CNTN5: variants seen among roughly 807,000 people sequenced by gnomAD.
CNTN5 encodes contactin-5.
A neutral mutation model predicts 129.1 loss-of-function variants in CNTN5; 77 were observed. The ratio of observed to expected loss-of-function variants is 0.60; its 90% confidence interval spans 0.50 to 0.72. CNTN5 has a LOEUF of 0.72. Ranked by LOEUF, CNTN5 falls within the 30% of genes least tolerant of loss-of-function variation. The pLI, the probability that CNTN5 is intolerant of heterozygous loss-of-function variation, is 0.00. For missense variants in CNTN5, 1,478 were observed against 1,328.8 expected, an observed-to-expected ratio of 1.11 and a Z score of -1.75; for synonymous variants, 509 against 465.6, an observed-to-expected ratio of 1.09 and a Z score of -1.20.
intron 2 of CNTN5, among the ~76,000 whole-genome samples, chr11:99,349,525 G>A (rs1938143744): frequency 6.6e-6 from 1 of 152,062 alleles, no homozygotes; most frequent in Non-Finnish European, 1.5e-5. Flanking sequence ...ACATGTTTGG[G>A]CATATGGTCT....
chr11:100,341,343 GA>G, intron 23 of CNTN5, 138 bp downstream of exon 23: 1 of 653,664 alleles, frequency 1.5e-6, no homozygotes, highest in African/African-American at 1.8e-5. Context: ...ATCTTAGAAA[GA>G]TAGCCTTCCT....
chr11:100,080,284 T>G (rs1387306996), intron 13 of CNTN5, among the ~76,000 whole-genome samples: 1 of 151,586 alleles, frequency 6.6e-6, no homozygotes, highest in Admixed American at 6.6e-5. Flanking sequence ...CCTATGGAGG[T>G]GCAGTATTAT....
chr11:99,939,382 ATAAAAT>A (rs1950384696), intron 7 of CNTN5, among the ~76,000 whole-genome samples: 1 of 152,102 alleles, frequency 6.6e-6, no homozygotes, highest in Non-Finnish European at 1.5e-5. Flanking sequence ...ACGTGAAAAA[ATAAAAT>A]TAACCTCAAA....
intron 13 of CNTN5, among the ~76,000 whole-genome samples, chr11:100,183,695 A>G (rs1948209365): frequency 6.6e-6 from 1 of 152,116 alleles, no homozygotes; most frequent in African/African-American, 2.4e-5. Flanking sequence ...TATCTTCACT[A>G]TGGTAATGGT....
chr11:99,392,816 T>G (rs544356410), intron 2 of CNTN5, among the ~76,000 whole-genome samples: 1 of 152,028 alleles, frequency 6.6e-6, no homozygotes, highest in African/African-American at 2.4e-5. Context: ...AAAGACATAT[T>G]TTTAATCCAA....
intron 21 of CNTN5, among the ~76,000 whole-genome samples, chr11:100,333,283 A>G (rs1396271367): frequency 6.6e-6 from 1 of 152,040 alleles, no homozygotes; most frequent in Admixed American, 6.6e-5. Flanking sequence ...GACAACACAA[A>G]TTGAAACACA....
At chr11:99,488,964 T>C (rs1945927688) in intron 2 of CNTN5, among the ~76,000 whole-genome samples, 1 of 152,076 alleles carries the variant, frequency 6.6e-6, no homozygotes. Context: ...TGAATCTAAA[T>C]AGAATGCTAT....
At chr11:99,874,469 A>C (rs1565627925) in intron 6 of CNTN5, among the ~76,000 whole-genome samples, 1 of 152,050 alleles carries the variant, frequency 6.6e-6, no homozygotes, top group Non-Finnish European at 1.5e-5. Context: ...ATGGTGATGA[A>C]TTCTTTCCTC....
At chr11:99,312,808 A>G (rs940106353) in intron 1 of CNTN5, among the ~76,000 whole-genome samples, 51 of 81,370 alleles carry the variant, frequency 6.3e-4, no homozygotes, top group Non-Finnish European at 2.5e-4. Flanking sequence ...AAGAGAAATT[A>G]AGTGATTTTT....
intron 16 of CNTN5, among the ~76,000 whole-genome samples, chr11:100,229,772 T>G (rs1477035325): frequency 6.6e-6 from 1 of 152,238 alleles, no homozygotes; most frequent in Non-Finnish European, 1.5e-5. Context: ...AATGTCTATT[T>G]TTAGCATATG....
intron 1 of CNTN5, among the ~76,000 whole-genome samples, chr11:99,066,266 G>C (rs2135230855): frequency 6.6e-6 from 1 of 152,004 alleles, no homozygotes; most frequent in East Asian, 1.9e-4. Context: ...ACCACGCCCA[G>C]CTAATTTTTT....
intron 1 of CNTN5, among the ~76,000 whole-genome samples, chr11:99,243,772 G>T (rs1861684150): frequency 7.1e-6 from 1 of 140,422 alleles, no homozygotes. Flanking sequence ...AGTTTGCTGT[G>T]GGTGCCAGGC....
chr11:99,546,322 G>T (rs1414110263), intron 2 of CNTN5, among the ~76,000 whole-genome samples: 1 of 152,156 alleles, frequency 6.6e-6, no homozygotes, highest in Non-Finnish European at 1.5e-5. Context: ...TTGAGGGAGG[G>T]GAGGGTGGAA....
In CNTN5 at chr11:100,064,956, A is replaced by G. The variant is rs12290099; in HGVS notation, c.1162+3563A>G. Among the ~76,000 whole-genome samples, 955 of 152,250 alleles carry G rather than the reference A, an allele frequency of 6.3e-3. 7 individuals are homozygous for G. The highest frequency in any genetic ancestry group is 0.022 in the African/African-American group (900 of 41,566). On this transcript the variant is annotated intron_variant, in intron 10 of 24. Transcript: ENST00000524871. The stretch of plus-strand genomic sequence containing the variant: ...TGTACACAAAAATCTCATTATATAA[A>G]GATGTGTGATCTGTGAGTTTAAATG...
At chr11:99,469,595 G>A (rs761487253) in intron 2 of CNTN5, among the ~76,000 whole-genome samples, 8 of 151,894 alleles carry the variant, frequency 5.3e-5, no homozygotes, top group Admixed American at 1.3e-4. Context: ...GAGTATGCAC[G>A]TTGTATGCAT....
At chr11:100,032,674 C>T (rs896834835) in intron 9 of CNTN5, among the ~76,000 whole-genome samples, 1 of 152,026 alleles carries the variant, frequency 6.6e-6, no homozygotes, top group Non-Finnish European at 1.5e-5. Flanking sequence ...CTCATAATGT[C>T]GTTTTTAAAC....
chr11:99,463,543 G>GTAC (rs2135245254), intron 2 of CNTN5, among the ~76,000 whole-genome samples: 1 of 150,542 alleles, frequency 6.6e-6, no homozygotes, highest in African/African-American at 2.5e-5. Context: ...TTCCAAGCTA[G>GTAC]TACTGTATAA....
At chr11:100,229,547 G>C (rs1277724425) in intron 16 of CNTN5, among the ~76,000 whole-genome samples, 1 of 152,184 alleles carries the variant, frequency 6.6e-6, no homozygotes, top group Non-Finnish European at 1.5e-5. Context: ...ACTAGCAAGA[G>C]AGAAAAGTTT....
chr11:99,848,538 AAT>A (rs530346557), intron 6 of CNTN5, among the ~76,000 whole-genome samples: 22 of 152,294 alleles, frequency 1.4e-4, no homozygotes, highest in East Asian at 3.9e-4. Context: ...TTAAATATTG[AAT>A]ATGAGTCTTA....
Sources: gnomAD v4.1 joint callset for allele counts (sites outside exome capture counted in the v4.1 genomes callset) on GRCh38, gnomAD v4.1.1 for gene constraint, MANE v1.5 for transcripts, NCBI Gene and HGNC (gene_info 2026-07-23, HGNC 2026-07-21) for gene names.